PCDHGA8: variants seen among roughly 807,000 people sequenced by gnomAD.
PCDHGA8 encodes protocadherin gamma-A8.
Under a neutral mutation model 59.2 loss-of-function variants are expected in PCDHGA8, and 45 were observed. The observed-to-expected ratio is 0.76, with a 90% CI of 0.60 to 0.98. PCDHGA8 has a LOEUF of 0.98. Among genes scored for constraint, PCDHGA8 ranks in the 50% least tolerant of loss-of-function variants. The pLI is 0.00. For missense variants in PCDHGA8, 1,257 were observed against 1,196.2 expected (o/e 1.05, Z -0.75); for synonymous variants, 531 against 519.0 (o/e 1.02, Z -0.32).
intron 1 of PCDHGA8, among the ~76,000 whole-genome samples, chr5:141,444,733 G>A (rs1464370133): frequency 6.6e-6 from 1 of 152,106 alleles, no homozygotes; most frequent in Non-Finnish European, 1.5e-5. Flanking sequence ...TTTGTTGAAA[G>A]TCATTTCACT....
intron 1 of PCDHGA8, chr5:141,421,287 C>T: frequency 1.2e-6 from 2 of 1,613,240 alleles, no homozygotes; most frequent in Non-Finnish European, 1.7e-6. Flanking sequence ...TGTGCATTTT[C>T]CTGGGGACGC....
intron 1 of PCDHGA8, chr5:141,413,667 G>A: frequency 6.2e-7 from 1 of 1,613,836 alleles, no homozygotes; most frequent in Non-Finnish European, 8.5e-7. Flanking sequence ...CTATTGATCC[G>A]GATGTGGGCG....
At chr5:141,447,011 C>T (rs1213312322) in intron 1 of PCDHGA8, among the ~76,000 whole-genome samples, 1 of 143,918 alleles carries the variant, frequency 6.9e-6, no homozygotes. Flanking sequence ...TCCTAGTGTT[C>T]AGTTTTGTTT....
At chr5:141,483,122 A>G (rs1159736878) in intron 1 of PCDHGA8, among the ~76,000 whole-genome samples, 1 of 152,166 alleles carries the variant, frequency 6.6e-6, no homozygotes, top group Non-Finnish European at 1.5e-5. Context: ...CAGTCTTTGT[A>G]GGAGATGAGG....
intron 1 of PCDHGA8, among the ~76,000 whole-genome samples, chr5:141,437,421 T>G (rs971034611): frequency 1.2e-4 from 19 of 152,238 alleles, no homozygotes; most frequent in African/African-American, 4.6e-4. Flanking sequence ...TTATGCTTTT[T>G]GAAGCAGCAA....
In PCDHGA8 at chr5:141,413,348, T is replaced by C. The variant is rs1217580039; in HGVS notation, c.2424+18111T>C. On this transcript the variant is annotated intron_variant, in intron 1 of 3. Transcript: ENST00000398604. The stretch of plus-strand genomic sequence containing the variant: ...GGCAACATCTCCAAGGACTTGGGTC[T>C]GGCGCCCCGGGAGCTGGCGGAGCGC... The C allele has an allele frequency of 1.9e-6, 3 of 1,613,872 alleles. No homozygotes were observed. In the Admixed American group the frequency reaches 5.0e-5, roughly 27 times the overall value.
rs774354457 is a variant in PCDHGA8 at position 141,409,462 on chromosome 5, CA to C, written c.2424+14226del. 8.1e-6 allele frequency: 13 copies of C among 1,613,870 alleles called. No individual in the cohort carries two copies. The East Asian group carries it at 2.9e-4, about 36-fold the overall frequency. On this transcript the variant is annotated intron_variant, in intron 1 of 3. Coordinates refer to ENST00000398604, the MANE Select transcript of PCDHGA8 (RefSeq NM_032088.2). ...GAGAGCAGACACCAGAATACAATGT[CA>C]CCATCGTAGCCACTGACAGGGGCAA... is the stretch of plus-strand genomic sequence containing the variant.
At chr5:141,398,349 C>T in intron 1 of PCDHGA8, 2 of 1,397,134 alleles carry the variant, frequency 1.4e-6, no homozygotes, top group Non-Finnish European at 2.0e-6. Flanking sequence ...AGAAGCCTTA[C>T]TTCACCGTGA....
intron 1 of PCDHGA8, chr5:141,420,239 C>G (rs984335177): frequency 1.3e-6 from 2 of 1,593,300 alleles, no homozygotes; most frequent in African/African-American, 2.7e-5. Flanking sequence ...CATTTTAACT[C>G]CCAGCGTTGA....
intron 1 of PCDHGA8, chr5:141,409,705 G>A (rs747252229): frequency 6.2e-6 from 10 of 1,613,134 alleles, no homozygotes; most frequent in Non-Finnish European, 7.6e-6. Flanking sequence ...CCCTGGCGGT[G>A]TCGTCATACG....
intron 1 of PCDHGA8, among the ~76,000 whole-genome samples, chr5:141,430,040 T>C (rs1449876504): frequency 1.3e-5 from 2 of 152,232 alleles, no homozygotes; most frequent in African/African-American, 2.4e-5. Flanking sequence ...ATTCTGATAA[T>C]GTATACAATC....
chr5:141,399,751 G>C, intron 1 of PCDHGA8: 1 of 1,613,322 alleles, frequency 6.2e-7, no homozygotes, highest in South Asian at 1.1e-5. Context: ...CAGCGCAAAC[G>C]TGAGCCTGCG....
rs368850413 is a variant in PCDHGA8, at chr5:141,400,711, C to T, written c.2424+5474C>T. 8.7e-6 allele frequency: 6 copies of T among 691,160 alleles called. No individual in the cohort carries two copies. The African/African-American group carries it at 9.0e-5, about 10-fold the overall frequency. The allele number at this position is 691,160 out of a possible 1,614,324, so 42.8% of individuals were successfully genotyped here. On this transcript the variant is annotated intron_variant, in intron 1 of 3. Coordinates refer to ENST00000398604, the MANE Select transcript of PCDHGA8 (RefSeq NM_032088.2). Reference sequence around the variant, plus strand: ...TTTTATGTCGCATAAAAGAAGTAGCCTTATAGATTTACAAAGTAGTGAGAG... The same window carrying T: ...TTTTATGTCGCATAAAAGAAGTAGCTTTATAGATTTACAAAGTAGTGAGAG...
chr5:141,497,211 G>T (rs914346878), intron 2 of PCDHGA8, among the ~76,000 whole-genome samples: 12 of 28,538 alleles, frequency 4.2e-4, no homozygotes, highest in African/African-American at 1.1e-3. Context: ...GAGTGTAATG[G>T]GGGGGGGAAG....
Position 141,486,484 on chromosome 5 carries a change from C to A in PCDHGA8, c.2425-8323C>A. On this transcript the variant is annotated intron_variant, in intron 1 of 3. Transcript: ENST00000398604. This position sits in a 1 kb window ranked among gnomAD's most constrained non-coding sequence, Gnocchi z 5.0. ...ATGCTGGGAACCCTCCTCTCAGTAC[C>A]CACAGAACTATTTTCCTCAATATTT... is the stretch of plus-strand genomic sequence containing the variant. 5 of 1,614,102 alleles carry A rather than the reference C, an allele frequency of 3.1e-6. No homozygotes were observed. Among genetic ancestry groups the A allele is most frequent in the Non-Finnish European group, 4.2e-6 (5 of 1,179,930 alleles).
Position 141,511,508 on chromosome 5 carries a change from C to T in PCDHGA8, c.*335C>T, listed in dbSNP as rs1339517659. 7.8e-6 allele frequency: 3 copies of T among 385,970 alleles called. No individual in the cohort carries two copies. Among genetic ancestry groups the T allele is most frequent in the Non-Finnish European group, 1.5e-5 (3 of 206,164 alleles). The allele number at this position is 385,970 out of a possible 1,614,324, so 23.9% of individuals were successfully genotyped here. Reference sequence around the variant, plus strand: ...TCCTCCATCTTCCAAATCAATCAGGCCCATCCATCCCATGCCTCCCTCCTC... The same window carrying T: ...TCCTCCATCTTCCAAATCAATCAGGTCCATCCATCCCATGCCTCCCTCCTC... On this transcript the variant is annotated 3_prime_UTR_variant, in exon 4 of 4. Coordinates refer to ENST00000398604, the MANE Select transcript of PCDHGA8 (RefSeq NM_032088.2).
intron 1 of PCDHGA8, among the ~76,000 whole-genome samples, chr5:141,461,804 C>A (rs559757409): frequency 1.4e-3 from 212 of 152,036 alleles, no homozygotes; most frequent in African/African-American, 5.0e-3. Context: ...CAGGTGCCCA[C>A]CACCACACCC....
chr5:141,427,197 A>C (rs1277186420), intron 1 of PCDHGA8: 4 of 456,762 alleles, frequency 8.8e-6, no homozygotes, highest in Admixed American at 2.3e-5. Context: ...CAAAGACTTA[A>C]TAGACTTCGA....
chr5:141,394,693 G>C lies in PCDHGA8; in HGVS notation c.1880G>C (p.Arg627Pro). Residue 627 changes from arginine (R) to proline (P), a missense_variant, in exon 1 of 4, where the codon CGC (arginine) becomes CCC (proline). Physicochemically the swap from Arg to Pro is moderately radical, Grantham distance 103 (BLOSUM62 -2). Transcript: ENST00000398604. ...FSVGLHTGEV[R>P]TARALLDRDA... ...GTGGGTCTGCACACGGGCGAGGTGC[G>C]CACGGCGCGAGCCCTGCTGGACAGA... 1.2e-6 allele frequency: 2 copies of C among 1,613,006 alleles called. No homozygotes were observed. The highest frequency in any genetic ancestry group is 1.7e-6 in the Non-Finnish European group (2 of 1,179,844).
Sources: allele counts gnomAD v4.1 joint callset (sites outside exome capture counted in the v4.1 genomes callset), GRCh38; gene constraint gnomAD v4.1.1; non-coding constraint Gnocchi (gnomAD v3.1); transcripts MANE v1.5; gene names NCBI Gene and HGNC (gene_info 2026-07-23, HGNC 2026-07-21).